Variants in RABL3 observed in about 807,000 individuals in gnomAD.
RABL3 encodes RAB, member of RAS oncogene family like 3.
A neutral mutation model predicts 31.8 loss-of-function variants in RABL3; 31 were observed. The observed-to-expected ratio is 0.97, with a 90% CI of 0.73 to 1.31. The LOEUF is 1.31. Among genes scored for constraint, RABL3 ranks in the 40% most tolerant of loss-of-function variants. The probability of loss-of-function intolerance (pLI) is 0.00; values close to 1 mark genes in which losing one functional copy is unlikely to be tolerated. For synonymous variants in RABL3, 97 were observed against 99.9 expected (o/e 0.97, Z 0.18); for missense variants, 263 against 279.6 (o/e 0.94, Z 0.42).
chr3:120,693,288 A>T (rs1006032032), intron 6 of RABL3, among the ~76,000 whole-genome samples: 1 of 152,184 alleles, frequency 6.6e-6, no homozygotes, highest in African/African-American at 2.4e-5. Flanking sequence ...CAAATATTAA[A>T]TCCCAAATTA....
intron 2 of RABL3, among the ~76,000 whole-genome samples, chr3:120,724,186 A>C (rs998484218): frequency 3.3e-5 from 5 of 152,164 alleles, no homozygotes; most frequent in African/African-American, 1.2e-4. Flanking sequence ...TCATGAGTGA[A>C]CTCCCATTCA....
chr3:120,705,467 A>G (rs1206743213), intron 4 of RABL3, among the ~76,000 whole-genome samples: 1 of 152,230 alleles, frequency 6.6e-6, no homozygotes, highest in African/African-American at 2.4e-5. Context: ...GAACAGAACT[A>G]GAGTCCAGAA....
intron 3 of RABL3, 54 bp downstream of exon 3, chr3:120,709,726 A>G (rs1425565310): frequency 4.5e-6 from 6 of 1,338,430 alleles, no homozygotes; most frequent in Non-Finnish European, 6.3e-6. Context: ...TACATATCAG[A>G]TGATCTATAC....
At chr3:120,692,889 A>ATGT (rs1296888108) in intron 6 of RABL3, among the ~76,000 whole-genome samples, 1 of 152,174 alleles carries the variant, frequency 6.6e-6, no homozygotes, top group Non-Finnish European at 1.5e-5. Flanking sequence ...GATCTATAAG[A>ATGT]TGTTGCTCAT....
intron 1 of RABL3, among the ~76,000 whole-genome samples, chr3:120,741,604 G>A (rs1709043905): frequency 6.6e-6 from 1 of 152,098 alleles, no homozygotes; most frequent in Admixed American, 6.5e-5. Context: ...GGTGGGAGCT[G>A]GAAATCCAGA....
At chr3:120,724,282 G>A (rs1157278152) in intron 2 of RABL3, among the ~76,000 whole-genome samples, 1 of 152,162 alleles carries the variant, frequency 6.6e-6, no homozygotes, top group African/African-American at 2.4e-5. Flanking sequence ...ACAAACCACT[G>A]CTCAACGAAG....
At chr3:120,717,291 AAAAC>A (rs1382606505) in intron 2 of RABL3, among the ~76,000 whole-genome samples, 1 of 152,004 alleles carries the variant, frequency 6.6e-6, no homozygotes, top group Non-Finnish European at 1.5e-5. Context: ...AACAAAAAAA[AAAAC>A]AAGACAGAAG....
At chr3:120,741,771 A>C (rs764521762) in intron 1 of RABL3, among the ~76,000 whole-genome samples, 13 of 152,224 alleles carry the variant, frequency 8.5e-5, no homozygotes, top group Middle Eastern at 3.2e-3. Flanking sequence ...TAATTTCTCT[A>C]TTGTACAGTC....
At chr3:120,703,651 C>T (rs1050238186) in intron 4 of RABL3, among the ~76,000 whole-genome samples, 4 of 151,828 alleles carry the variant, frequency 2.6e-5, no homozygotes, top group Non-Finnish European at 5.9e-5. Flanking sequence ...AAAATCAATA[C>T]AATTGATAAA....
intron 4 of RABL3, among the ~76,000 whole-genome samples, chr3:120,704,796 G>A (rs1708531058): frequency 6.6e-6 from 1 of 152,120 alleles, no homozygotes; most frequent in Admixed American, 6.5e-5. Context: ...CTGTAACCCA[G>A]CACTTTGGGA....
intron 1 of RABL3, among the ~76,000 whole-genome samples, chr3:120,733,681 G>C (rs1345587824): frequency 2.6e-5 from 4 of 152,084 alleles, no homozygotes; most frequent in Non-Finnish European, 5.9e-5. Flanking sequence ...GGGTTTTTAT[G>C]GTTTTAGGTC....
At chr3:120,691,481 CACA>C (rs1295991008) in intron 6 of RABL3, among the ~76,000 whole-genome samples, 1 of 152,090 alleles carries the variant, frequency 6.6e-6, no homozygotes, top group Non-Finnish European at 1.5e-5. Flanking sequence ...ATGAGCCATT[CACA>C]ACTTTTTAAT....
intron 2 of RABL3, among the ~76,000 whole-genome samples, chr3:120,723,459 T>A (rs1708774861): frequency 1.3e-5 from 2 of 152,152 alleles, no homozygotes; most frequent in African/African-American, 4.8e-5. Flanking sequence ...GAGGCCAGCA[T>A]CATCCTGATA....
chr3:120,735,602 G>T (rs1320504131), intron 1 of RABL3, among the ~76,000 whole-genome samples: 1 of 151,964 alleles, frequency 6.6e-6, no homozygotes, highest in Non-Finnish European at 1.5e-5. Flanking sequence ...GAATGTGTTT[G>T]CTCTTGCTTC....
rs1708368221 is a variant in RABL3, at chr3:120,690,492, G to A, written c.607-5C>T. On this transcript the variant is annotated splice_polypyrimidine_tract_variant and splice_region_variant and intron_variant, in intron 6 of 7. Transcript: ENST00000273375. ...AAAGTATCTCTTCTCTATGACCTGT[G>A]AAAAACAAAGATTTTAAAGGCTTAG... is the stretch of plus-strand genomic sequence containing the variant. 1 of 1,601,978 alleles carries A rather than the reference G, an allele frequency of 6.2e-7. No homozygotes were observed. Among genetic ancestry groups the A allele is most frequent in the East Asian group, 2.2e-5 (1 of 44,726 alleles).
rs150221740 is a variant in RABL3 at position 120,720,615 on chromosome 3, C to T, written c.138+10081G>A. Among the ~76,000 whole-genome samples, 835 of 151,918 alleles carry T rather than the reference C, an allele frequency of 5.5e-3. 8 individuals are homozygous for T. Among genetic ancestry groups the T allele is most frequent in the African/African-American group, 0.018 (727 of 41,426 alleles). On this transcript the variant is annotated intron_variant, in intron 2 of 7. Transcript: ENST00000273375. Reference sequence around the variant, plus strand: ...GGAAGATCAAATGAATGAAATGAAGCGAGAAGATAATTTTAGAGAAAAAAG... The same window carrying T: ...GGAAGATCAAATGAATGAAATGAAGTGAGAAGATAATTTTAGAGAAAAAAG...
intron 2 of RABL3, among the ~76,000 whole-genome samples, chr3:120,726,464 A>G (rs907275922): frequency 6.6e-6 from 1 of 152,088 alleles, no homozygotes; most frequent in African/African-American, 2.4e-5. Context: ...CATCTGTATA[A>G]AACAAAAAAA....
intron 1 of RABL3, among the ~76,000 whole-genome samples, chr3:120,731,761 A>G (rs1708886110): frequency 6.6e-6 from 1 of 152,194 alleles, no homozygotes. Flanking sequence ...GAAAGTATGC[A>G]CAAATGAGGG....
intron 2 of RABL3, among the ~76,000 whole-genome samples, chr3:120,716,862 ACAGT>A (rs976415659): frequency 1.3e-5 from 2 of 152,264 alleles, no homozygotes; most frequent in Non-Finnish European, 2.9e-5. Flanking sequence ...TATTATAACA[ACAGT>A]CAAAGTGATT....
Sources: allele counts gnomAD v4.1 joint callset (sites outside exome capture counted in the v4.1 genomes callset), GRCh38; gene constraint gnomAD v4.1.1; transcripts MANE v1.5; gene names NCBI Gene and HGNC (gene_info 2026-07-23, HGNC 2026-07-21).